KCTD2: variants seen among roughly 807,000 people sequenced by gnomAD.
KCTD2 encodes the protein BTB/POZ domain-containing protein KCTD2.
KCTD2 carries 18 observed loss-of-function variants against 27.9 expected under a neutral mutation model. The observed-to-expected ratio is 0.64, with a 90% CI of 0.45 to 0.96. The LOEUF (loss-of-function observed/expected upper bound fraction) is 0.96. KCTD2 is among the 40% of genes least tolerant of loss of function. The pLI, the probability that KCTD2 is intolerant of heterozygous loss-of-function variation, is 0.00. For synonymous variants in KCTD2, 175 were observed against 148.4 expected (o/e 1.18, Z -1.30); for missense variants, 280 against 348.0 (o/e 0.80, Z 1.56).
chr17:75,065,620 T>TGG lies in KCTD2; in HGVS notation c.*2576_*2577dup, dbSNP rs1050955721. The TGG allele has an allele frequency of 1.3e-5, 2 of 152,038 alleles. No homozygotes were observed. Among genetic ancestry groups the TGG allele is most frequent in the African/African-American group, 4.8e-5 (2 of 41,304 alleles). 9.4% of individuals were successfully genotyped at this position (152,038 alleles called of 1,614,324 possible). A position where few individuals can be genotyped will look rare whatever the true frequency, so the allele number is the denominator to read the frequency against. On this transcript the variant is annotated 3_prime_UTR_variant, in exon 6 of 6. Coordinates refer to ENST00000322444, the MANE Select transcript of KCTD2 (RefSeq NM_015353.3). ...CTGGCCTTTTTCCATGGCAATGAGG[T>TGG]GGGGCCCAGCCTCCTCTAAAGTGAC...
At chr17:75,047,641 C>G (rs1279407554) in intron 1 of KCTD2, 52 bp downstream of exon 1, 7 of 1,551,994 alleles carry the variant, frequency 4.5e-6, no homozygotes, top group South Asian at 1.2e-5. Flanking sequence ...CCTGGTTTCT[C>G]GTAGATCGGT....
At chr17:75,033,755 C>G (rs1041982033) in intron 1 of KCTD2, among the ~76,000 whole-genome samples, 3 of 152,208 alleles carry the variant, frequency 2.0e-5, no homozygotes, top group African/African-American at 7.2e-5. Context: ...GGGGCAGGTC[C>G]CTGCGCACCG....
intron 3 of KCTD2, among the ~76,000 whole-genome samples, chr17:75,056,389 A>G (rs2073350886): frequency 6.6e-6 from 1 of 152,250 alleles, no homozygotes; most frequent in Non-Finnish European, 1.5e-5. Context: ...ATGATTGCTT[A>G]CTATAGATTT....
chr17:75,051,432 A>G (rs1026355039), intron 2 of KCTD2, among the ~76,000 whole-genome samples: 11 of 151,520 alleles, frequency 7.3e-5, no homozygotes, highest in Admixed American at 3.9e-4. Flanking sequence ...TTACAGGTGC[A>G]TGCCACCACG....
intron 1 of KCTD2, among the ~76,000 whole-genome samples, chr17:75,047,917 A>G (rs1266771089): frequency 6.6e-6 from 1 of 151,972 alleles, no homozygotes; most frequent in African/African-American, 2.4e-5. Context: ...TGAGATCTGC[A>G]TGAGTTTTCC....
intron 3 of KCTD2, among the ~76,000 whole-genome samples, chr17:75,037,345 GAAAAAAAAA>G (rs56310455): frequency 1.2e-4 from 10 of 84,708 alleles, no homozygotes; most frequent in East Asian, 8.0e-4. Context: ...TTCCATATCA[GAAAAAAAAA>G]AAAAAAAAAA....
chr17:75,036,454 A>T (rs1056015566), intron 3 of KCTD2, among the ~76,000 whole-genome samples: 3 of 152,242 alleles, frequency 2.0e-5, no homozygotes, highest in African/African-American at 7.2e-5. Flanking sequence ...TAATGCATGT[A>T]CAACGCAAAA....
intron 3 of KCTD2, chr17:75,059,117 T>A (rs56104781): frequency 0.16 from 24,144 of 151,524 alleles, 3,052 homozygotes; most frequent in East Asian, 0.61. Context: ...TAAATAAAAT[T>A]ATAATAATAA....
chr17:75,034,225 C>G (rs2040091444), intron 2 of KCTD2: 1 of 152,170 alleles, frequency 6.6e-6, no homozygotes, highest in Admixed American at 6.5e-5. Flanking sequence ...CCAAAGGGTT[C>G]CCAGGACACC....
At chr17:75,046,742 G>A (rs1360730113), upstream of KCTD2, among the ~76,000 whole-genome samples, 1 of 151,776 alleles carries the variant, frequency 6.6e-6, no homozygotes, top group Admixed American at 6.6e-5. Context: ...GCGCGCCAAG[G>A]AGGGCTGAGG....
chr17:75,056,800 A>ACCT (rs1274965691), intron 3 of KCTD2, among the ~76,000 whole-genome samples: 2 of 151,778 alleles, frequency 1.3e-5, no homozygotes, highest in Non-Finnish European at 2.9e-5. Flanking sequence ...CAAACATGTT[A>ACCT]CCTCCTTGAA....
chr17:75,047,513 A>C lies in KCTD2; in HGVS notation c.263A>C (p.Gln88Pro), dbSNP rs762382591. ...VGGTYFVTTR[Q>P]TLGREPKSFL... ...GGCACCTACTTCGTGACCACCAGAC[A>C]GACCTTAGGCCGGGAGCCCAAGTCA... The change falls in exon 1 of 6, where the codon CAG becomes CCG. Residue 88 changes from glutamine (Q) to proline (P), a missense_variant. By Grantham distance (76) the Gln-to-Pro change is moderately conservative. Coordinates refer to ENST00000322444, the MANE Select transcript of KCTD2 (RefSeq NM_015353.3). 6.2e-7 allele frequency: 1 copy of C among 1,611,062 alleles called. No homozygotes were observed. Among genetic ancestry groups the C allele is most frequent in the Non-Finnish European group, 8.5e-7 (1 of 1,179,314 alleles).
chr17:75,042,747 T>C, upstream of KCTD2: 2 of 1,241,942 alleles, frequency 1.6e-6, no homozygotes, highest in South Asian at 1.4e-5. Context: ...TAAGAGCTCT[T>C]AGAGAGAATC....
chr17:75,047,048 G>A, upstream of KCTD2: 1 of 259,862 alleles, frequency 3.8e-6, no homozygotes, highest in South Asian at 1.7e-4. Flanking sequence ...TCAGCCAATA[G>A]AGATGAGGGC....
At chr17:75,046,974 G>T, upstream of KCTD2, 1 of 183,644 alleles carries the variant, frequency 5.4e-6, no homozygotes, top group East Asian at 1.3e-4. Context: ...TAACGGAAGT[G>T]GGTCACGGGA....
chr17:75,036,173 C>G, intron 3 of KCTD2: 1 of 362,828 alleles, frequency 2.8e-6, no homozygotes. Context: ...CCTGCCTCAT[C>G]CTCCCAAAGT....
At chr17:75,055,096 C>T (rs1003085846) in intron 3 of KCTD2, among the ~76,000 whole-genome samples, 4 of 151,850 alleles carry the variant, frequency 2.6e-5, no homozygotes, top group African/African-American at 9.7e-5. Flanking sequence ...CCTCTGTCAC[C>T]CAGGCAGGAG....
At chr17:75,034,424 C>CT (rs1200067910) in intron 2 of KCTD2, among the ~76,000 whole-genome samples, 3 of 152,208 alleles carry the variant, frequency 2.0e-5, no homozygotes, top group Non-Finnish European at 4.4e-5. Flanking sequence ...AGCACAGCCC[C>CT]TCTCGACACC....
intron 5 of KCTD2, among the ~76,000 whole-genome samples, chr17:75,062,743 C>CACACACACACACACACACACACACAG (rs1325191013): frequency 8.2e-5 from 12 of 145,978 alleles, no homozygotes; most frequent in Admixed American, 1.4e-4. Context: ...CACACACACA[C>CACACACACACACACACACACACACAG]AGCTTCTAAA....
Sources: allele counts gnomAD v4.1 joint callset (sites outside exome capture counted in the v4.1 genomes callset), GRCh38; gene constraint gnomAD v4.1.1; transcripts MANE v1.5; gene names NCBI Gene and HGNC (gene_info 2026-07-23, HGNC 2026-07-21).